The following GLI2 variants were observed in gnomAD, a reference collection of about 807,000 sequenced individuals.
GLI2 encodes the protein GLI family zinc finger 2.
GLI2 carries 22 observed loss-of-function variants against 78.9 expected under a neutral mutation model. That is an observed-to-expected ratio of 0.28 (90% CI 0.20 to 0.40). The LOEUF is 0.40. GLI2 is among the 10% of genes least tolerant of loss of function. The probability of loss-of-function intolerance (pLI) is 1.00; values close to 1 mark genes in which losing one functional copy is unlikely to be tolerated. For synonymous variants in GLI2, 974 were observed against 963.7 expected (o/e 1.01, Z -0.20); for missense variants, 2,097 against 2,213.2 (o/e 0.95, Z 1.05).
chr2:120,903,660 C>T lies in GLI2; in HGVS notation c.149-23701C>T, dbSNP rs942127308. Among the ~76,000 whole-genome samples the T allele has an allele frequency of 5.3e-5, 8 of 152,184 alleles. No homozygotes were observed. The South Asian group carries it at 6.2e-4, about 12-fold the overall frequency. ...TCACATCCTGCCTTCATTTCCAGAG[C>T]GGGTACTGTGCAAGGTGGGTGAGTC... is the stretch of plus-strand genomic sequence containing the variant. On this transcript the variant is annotated intron_variant, in intron 2 of 13. Transcript: ENST00000361492.
intron 2 of GLI2, among the ~76,000 whole-genome samples, chr2:120,870,053 A>C (rs1688349335): frequency 6.6e-6 from 1 of 152,200 alleles, no homozygotes; most frequent in Admixed American, 6.5e-5. Context: ...TTTAAAGCAA[A>C]GTTTTTCAAA....
At chr2:120,983,943 TG>T (rs1553477407) in intron 11 of GLI2, among the ~76,000 whole-genome samples, 2 of 70,726 alleles carry the variant, frequency 2.8e-5, no homozygotes, top group African/African-American at 9.9e-5. Flanking sequence ...ACGTGGTGTG[TG>T]GGGTGTGTGT....
intron 1 of GLI2, among the ~76,000 whole-genome samples, chr2:120,784,557 A>G (rs1487461270): frequency 6.6e-6 from 1 of 151,922 alleles, no homozygotes; most frequent in African/African-American, 2.4e-5. Flanking sequence ...AGGAGTTTGA[A>G]TGTCATTCTG....
intron 3 of GLI2, among the ~76,000 whole-genome samples, chr2:120,928,126 GC>G (rs1679779209): frequency 6.6e-6 from 1 of 151,998 alleles, no homozygotes; most frequent in Non-Finnish European, 1.5e-5. Context: ...AGGAAAGAAG[GC>G]CCCTCCTTCT....
In GLI2 at chr2:120,858,963, C is replaced by T. The variant is rs984788849; in HGVS notation, c.148+61495C>T. Reference sequence around the variant, plus strand: ...GTTCCAGGCTTGGGCAGGACCGGAGCGTTCTTGCCCTGGCTGTGCCTCTGC... The same window carrying T: ...GTTCCAGGCTTGGGCAGGACCGGAGTGTTCTTGCCCTGGCTGTGCCTCTGC... On this transcript the variant is annotated intron_variant, in intron 2 of 13. Coordinates refer to ENST00000361492, the MANE Select transcript of GLI2 (RefSeq NM_001374353.1). Among the ~76,000 whole-genome samples the T allele has an allele frequency of 7.9e-5, 12 of 152,344 alleles. No homozygotes were observed. The East Asian group carries it at 2.1e-3, about 27-fold the overall frequency.
At chr2:120,887,745 T>C (rs1294797024) in intron 2 of GLI2, among the ~76,000 whole-genome samples, 1 of 152,194 alleles carries the variant, frequency 6.6e-6, no homozygotes, top group East Asian at 1.9e-4. Flanking sequence ...ATTGTCAGGG[T>C]CGGGGGTCTC....
chr2:120,778,942 G>A (rs1314368836), intron 1 of GLI2, among the ~76,000 whole-genome samples: 1 of 152,216 alleles, frequency 6.6e-6, no homozygotes, highest in East Asian at 1.9e-4. Context: ...ATGGGATTGG[G>A]GATGCTTCAG....
At chr2:120,859,612 AC>A (rs1317982454) in intron 2 of GLI2, among the ~76,000 whole-genome samples, 1 of 151,858 alleles carries the variant, frequency 6.6e-6, no homozygotes, top group African/African-American at 2.4e-5. Flanking sequence ...ACACCACCGT[AC>A]CCAGCTAATT....
chr2:120,798,505 G>T (rs1048952389), intron 2 of GLI2, among the ~76,000 whole-genome samples: 1 of 152,204 alleles, frequency 6.6e-6, no homozygotes, highest in African/African-American at 2.4e-5. Flanking sequence ...GCCTGCGGGG[G>T]GTTGTTACTG....
At chr2:120,881,527 G>C in intron 2 of GLI2, among the ~76,000 whole-genome samples, 1 of 145,726 alleles carries the variant, frequency 6.9e-6, no homozygotes, top group Non-Finnish European at 1.5e-5. Context: ...GAGGGCAGGT[G>C]GGAGGAGGAC....
chr2:120,933,419 G>GACA, intron 3 of GLI2, among the ~76,000 whole-genome samples: 1 of 152,174 alleles, frequency 6.6e-6, no homozygotes, highest in Non-Finnish European at 1.5e-5. Flanking sequence ...AGGGGTGTGT[G>GACA]ATTGCTGGTC....
intron 5 of GLI2, among the ~76,000 whole-genome samples, chr2:120,967,321 C>A (rs1681906694): frequency 6.6e-6 from 1 of 152,242 alleles, no homozygotes; most frequent in Non-Finnish European, 1.5e-5. Context: ...CACCTCATGC[C>A]AGCCCTGGTG....
intron 2 of GLI2, among the ~76,000 whole-genome samples, chr2:120,917,540 G>A (rs1411323224): frequency 2.0e-5 from 3 of 152,232 alleles, no homozygotes; most frequent in Non-Finnish European, 4.4e-5. Context: ...CCATCCATGC[G>A]CCCCCTTTCC....
chr2:120,977,087 T>G (rs889529059), intron 9 of GLI2, among the ~76,000 whole-genome samples: 2 of 152,186 alleles, frequency 1.3e-5, no homozygotes, highest in Non-Finnish European at 2.9e-5. Flanking sequence ...CGCGTGACAG[T>G]TGGGCGAGTC....
At chr2:120,813,577 C>T (rs1484688471) in intron 2 of GLI2, among the ~76,000 whole-genome samples, 1 of 152,224 alleles carries the variant, frequency 6.6e-6, no homozygotes. Flanking sequence ...ATGGGTGCTA[C>T]CACACTTGTC....
intron 2 of GLI2, among the ~76,000 whole-genome samples, chr2:120,892,333 C>T (rs1384609689): frequency 6.6e-6 from 1 of 152,184 alleles, no homozygotes. Flanking sequence ...CGTGGTCATT[C>T]GGTGGTTGAT....
At chr2:120,904,193 T>C (rs1378964148) in intron 2 of GLI2, among the ~76,000 whole-genome samples, 3 of 152,170 alleles carry the variant, frequency 2.0e-5, no homozygotes, top group Non-Finnish European at 2.9e-5. Flanking sequence ...TAGGCCCTTC[T>C]GGAAAGAGCA....
rs1230038186 is a variant in GLI2, at chr2:120,991,521, G to T, written c.*846G>T. 3.9e-5 allele frequency: 6 copies of T among 152,680 alleles called. No homozygotes were observed. Among genetic ancestry groups the T allele is most frequent in the Admixed American group, 3.9e-4 (6 of 15,280 alleles). 9.5% of individuals were successfully genotyped at this position (152,680 alleles called of 1,614,324 possible). On this transcript the variant is annotated 3_prime_UTR_variant, in exon 14 of 14. Coordinates refer to ENST00000361492, the MANE Select transcript of GLI2 (RefSeq NM_001374353.1). ...GTTTCTAAATACCTCGGGGCTGCTG[G>T]AGCCGCTGTGGGTTAGGGATGGACT... is the stretch of plus-strand genomic sequence containing the variant.
At chr2:120,821,726 C>T (rs2104749326) in intron 2 of GLI2, among the ~76,000 whole-genome samples, 1 of 152,320 alleles carries the variant, frequency 6.6e-6, no homozygotes, top group Admixed American at 6.5e-5. Context: ...CCCTCTTTTC[C>T]CTTTTGCCCC....
Sources: allele counts gnomAD v4.1 joint callset (sites outside exome capture counted in the v4.1 genomes callset), GRCh38; gene constraint gnomAD v4.1.1; transcripts MANE v1.5; gene names NCBI Gene and HGNC (gene_info 2026-07-23, HGNC 2026-07-21).